SLC29A3: variants seen among roughly 807,000 people sequenced by gnomAD.
SLC29A3 encodes the protein equilibrative nucleoside transporter 3.
SLC29A3 carries 18 observed loss-of-function variants against 25.4 expected under a neutral mutation model. The ratio of observed to expected loss-of-function variants is 0.71; its 90% CI spans 0.49 to 1.05. The LOEUF is 1.05. Among genes scored for constraint, SLC29A3 ranks in the 50% least tolerant of loss-of-function variants. The pLI, the probability that SLC29A3 is intolerant of heterozygous loss-of-function variation, is 0.00. For missense variants in SLC29A3, 586 were observed against 609.0 expected (o/e 0.96, Z 0.40); for synonymous variants, 258 against 267.1 (o/e 0.97, Z 0.33).
chr10:71,329,457 CAAAAAA>C lies in SLC29A3; in HGVS notation c.300+6414_300+6419del, dbSNP rs1554814829. Among the ~76,000 whole-genome samples the C allele has an allele frequency of 2.5e-5, 3 of 120,482 alleles. No individual in the cohort carries two copies. The South Asian group carries it at 8.4e-4, about 34-fold the overall frequency. 79.0% of individuals were successfully genotyped at this position (120,482 alleles called of 152,430 possible). On this transcript the variant is annotated intron_variant, in intron 2 of 5. Transcript: ENST00000373189. ...TGGGCAACAGAGCAAGACTCTGTCT[CAAAAAA>C]AAAAAAAAAAGAAAAGAAAATACCC... is the stretch of plus-strand genomic sequence containing the variant.
chr10:71,320,928 C>G (rs941700442), intron 1 of SLC29A3, among the ~76,000 whole-genome samples: 1 of 152,186 alleles, frequency 6.6e-6, no homozygotes, highest in African/African-American at 2.4e-5. Flanking sequence ...GCTGAGGAGT[C>G]CAGCATGGGC....
At chr10:71,351,298 C>G (rs1846750582) in intron 3 of SLC29A3, among the ~76,000 whole-genome samples, 1 of 152,250 alleles carries the variant, frequency 6.6e-6, no homozygotes, top group African/African-American at 2.4e-5. Context: ...CACTGCTCAC[C>G]TCTTCAGCCT....
At chr10:71,349,050 C>T (rs558796988) in intron 3 of SLC29A3, among the ~76,000 whole-genome samples, 1 of 152,188 alleles carries the variant, frequency 6.6e-6, no homozygotes, top group East Asian at 1.9e-4. Flanking sequence ...TTGAAGGCTG[C>T]TCTTAGGAGG....
chr10:71,363,804 TTTTCTTTTC>T (rs1564544650), downstream of SLC29A3, among the ~76,000 whole-genome samples: 2 of 75,894 alleles, frequency 2.6e-5, no homozygotes, highest in East Asian at 3.0e-4. Context: ...TTTTTTTCCT[TTTTCTTTTC>T]TTTTTTTTTT....
downstream of SLC29A3, among the ~76,000 whole-genome samples, chr10:71,366,936 G>A (rs150799310): frequency 1.3e-5 from 2 of 152,302 alleles, no homozygotes; most frequent in African/African-American, 4.8e-5. Context: ...AGTCACTGTT[G>A]CTCTTCACCC....
chr10:71,364,523 C>G (rs1223985369), downstream of SLC29A3: 1 of 152,236 alleles, frequency 6.6e-6, no homozygotes, highest in Non-Finnish European at 1.5e-5. Context: ...GGAACCAGAT[C>G]AGACGAGGAG....
At chr10:71,321,518 G>A (rs931470377) in intron 1 of SLC29A3, among the ~76,000 whole-genome samples, 1 of 152,244 alleles carries the variant, frequency 6.6e-6, no homozygotes, top group African/African-American at 2.4e-5. Flanking sequence ...TAGGTGCTAT[G>A]TAGAGCAAAG....
chr10:71,366,646 A>G (rs1256206976), downstream of SLC29A3, among the ~76,000 whole-genome samples: 4 of 64,040 alleles, frequency 6.2e-5, no homozygotes, highest in Non-Finnish European at 1.1e-4. Context: ...GCTGCCTTCC[A>G]CTCAGTGCTC....
At chr10:71,364,533 GCTCT>G (rs1847149795), downstream of SLC29A3, 1 of 152,234 alleles carries the variant, frequency 6.6e-6, no homozygotes, top group African/African-American at 2.4e-5. Flanking sequence ...CAGACGAGGA[GCTCT>G]CTCTCAAGAG....
chr10:71,327,376 G>A (rs1483890144), intron 2 of SLC29A3, among the ~76,000 whole-genome samples: 1 of 152,086 alleles, frequency 6.6e-6, no homozygotes, highest in Non-Finnish European at 1.5e-5. Context: ...TTGGCCCAGG[G>A]CAAAACAAAA....
chr10:71,356,559 G>A (rs1846918421), intron 5 of SLC29A3, among the ~76,000 whole-genome samples: 1 of 152,224 alleles, frequency 6.6e-6, no homozygotes, highest in Admixed American at 6.5e-5. Context: ...AGGCACCGTG[G>A]AGCACACCTG....
At chr10:71,358,909 C>G (rs941741986) in intron 5 of SLC29A3, among the ~76,000 whole-genome samples, 1 of 150,006 alleles carries the variant, frequency 6.7e-6, no homozygotes, top group African/African-American at 2.5e-5. Flanking sequence ...GCTTCTATTT[C>G]TTTTTCTTTT....
At chr10:71,363,978 G>T (rs1847141143), downstream of SLC29A3, among the ~76,000 whole-genome samples, 1 of 151,934 alleles carries the variant, frequency 6.6e-6, no homozygotes, top group Admixed American at 6.6e-5. Context: ...TCCAGCTCAG[G>T]CCTGATGTGG....
intron 2 of SLC29A3, among the ~76,000 whole-genome samples, chr10:71,331,129 G>A (rs138681587): frequency 3.9e-5 from 6 of 152,236 alleles, no homozygotes; most frequent in Admixed American, 6.5e-5. Flanking sequence ...ATGAAGCTGC[G>A]TCTGTACTTA....
At chr10:71,355,281 G>A (rs59154798) in intron 4 of SLC29A3, among the ~76,000 whole-genome samples, 7,240 of 152,286 alleles carry the variant, frequency 0.048, 370 homozygotes, top group African/African-American at 0.13. Context: ...TCCTAGCCCC[G>A]TTGGCACCCG....
At chr10:71,341,433 A>G (rs1846407083) in intron 2 of SLC29A3, among the ~76,000 whole-genome samples, 1 of 151,926 alleles carries the variant, frequency 6.6e-6, no homozygotes, top group East Asian at 1.9e-4. Context: ...GGCTGCAGGG[A>G]CTGGTGTGCT....
At chr10:71,353,706 C>T (rs561062908) in intron 4 of SLC29A3, among the ~76,000 whole-genome samples, 2 of 152,198 alleles carry the variant, frequency 1.3e-5, no homozygotes, top group African/African-American at 2.4e-5. Context: ...AAGACCACCT[C>T]GCCAGCCCCA....
chr10:71,364,000 A>T (rs972511815), downstream of SLC29A3, among the ~76,000 whole-genome samples: 3 of 151,728 alleles, frequency 2.0e-5, no homozygotes, highest in African/African-American at 7.3e-5. Context: ...GAGGGGAGGG[A>T]GTCCTAGAAC....
At chr10:71,361,334 G>A (rs183565840) in intron 5 of SLC29A3, among the ~76,000 whole-genome samples, 2 of 151,586 alleles carry the variant, frequency 1.3e-5, no homozygotes, top group Non-Finnish European at 2.9e-5. Flanking sequence ...TATTATTATC[G>A]TCATTTTTGT....
Sources: gnomAD v4.1 joint callset for allele counts (sites outside exome capture counted in the v4.1 genomes callset) on GRCh38, gnomAD v4.1.1 for gene constraint, MANE v1.5 for transcripts, NCBI Gene and HGNC (gene_info 2026-07-23, HGNC 2026-07-21) for gene names.